Variants in STK32C observed in about 807,000 individuals in gnomAD.
STK32C encodes serine/threonine-protein kinase 32C.
In STK32C, 31 loss-of-function variants were observed where a neutral mutation model predicts 56.5. The observed-to-expected ratio is 0.55, with a 90% CI of 0.41 to 0.74. The LOEUF (loss-of-function observed/expected upper bound fraction) is 0.74, where lower values mean the gene tolerates loss of function less well. Ranked by LOEUF, STK32C falls within the 30% of genes least tolerant of loss-of-function variation. STK32C has a pLI of 0.00. For synonymous variants in STK32C, 309 were observed against 289.4 expected, an observed-to-expected ratio of 1.07 and a Z score of -0.69; for missense variants, 544 against 676.9, an observed-to-expected ratio of 0.80 and a Z score of 2.18.
At chr10:132,214,603 GT>G (rs1300146153) in intron 10 of STK32C, among the ~76,000 whole-genome samples, 1 of 152,220 alleles carries the variant, frequency 6.6e-6, no homozygotes, top group Admixed American at 6.5e-5. Context: ...ATGAATAGAG[GT>G]AAAATGAAAT....
chr10:132,220,854 T>TGCAC (rs1289312235), intron 10 of STK32C, among the ~76,000 whole-genome samples: 6 of 152,362 alleles, frequency 3.9e-5, no homozygotes, highest in African/African-American at 1.4e-4. Flanking sequence ...GGAACAGAGC[T>TGCAC]GCACCATGCC....
At chr10:132,209,468 A>G (rs1173454087) in intron 10 of STK32C, 5 of 430,356 alleles carry the variant, frequency 1.2e-5, no homozygotes, top group African/African-American at 2.0e-5. Context: ...CCCTCATCAC[A>G]GCACACACAC....
At chr10:132,278,089 CT>C (rs886111058) in intron 1 of STK32C, among the ~76,000 whole-genome samples, 16 of 152,310 alleles carry the variant, frequency 1.1e-4, no homozygotes, top group Non-Finnish European at 2.4e-4. Flanking sequence ...TGAAGACCCC[CT>C]GGGAACCCAT....
chr10:132,242,240 T>C (rs2063527934), intron 2 of STK32C, among the ~76,000 whole-genome samples: 1 of 152,062 alleles, frequency 6.6e-6, no homozygotes, highest in Non-Finnish European at 1.5e-5. Context: ...TGGTGTCCTC[T>C]GAGAGGGGCC....
chr10:132,230,679 C>CCGGG (rs1273802384), intron 2 of STK32C, among the ~76,000 whole-genome samples: 2 of 49,684 alleles, frequency 4.0e-5, no homozygotes, highest in African/African-American at 1.7e-4. Flanking sequence ...GGGAAGCTGG[C>CCGGG]GGGGGGGGGG....
At chr10:132,296,644 G>C (rs376317541) in intron 1 of STK32C, among the ~76,000 whole-genome samples, 3 of 152,044 alleles carry the variant, frequency 2.0e-5, no homozygotes, top group African/African-American at 7.2e-5. Context: ...TTTTTTTCTC[G>C]TCACTTTCAT....
intron 1 of STK32C, chr10:132,306,858 GGGTCCCCGGGGCCCCCT>G (rs1168697340): frequency 6.6e-6 from 1 of 152,180 alleles, no homozygotes; most frequent in Non-Finnish European, 1.5e-5. Context: ...GATAATTCGG[GGGTCCCCGGGGCCCCCT>G]GGCACCCCGG....
chr10:132,258,111 C>T (rs534093637), intron 1 of STK32C, among the ~76,000 whole-genome samples: 2 of 152,336 alleles, frequency 1.3e-5, no homozygotes, highest in South Asian at 4.1e-4. Context: ...CAGGACCTCC[C>T]CGGGAGCAAC....
chr10:132,224,447 A>T lies in STK32C; in HGVS notation c.953T>A (p.Val318Asp). ...QLFSTVSVQY[V>D]PTWSKEMVAL... is the part of the protein sequence containing the mutation. Reference sequence around the variant, plus strand: ...CACCATCTCCTTGGACCACGTGGGGACATACTGGACGCTCACGGTGCTGAA... The same window carrying T: ...CACCATCTCCTTGGACCACGTGGGGTCATACTGGACGCTCACGGTGCTGAA... Residue 318 changes from valine (V) to aspartate (D), a missense_variant, in exon 8 of 12, where the codon GTC (valine) becomes GAC (aspartate). This residue lies in a region of STK32C where 277 missense variants were observed against 309.3 expected (regional missense o/e 0.90). Coordinates refer to ENST00000298630, the MANE Select transcript of STK32C (RefSeq NM_173575.4). 4 of 1,561,762 alleles carry T rather than the reference A, an allele frequency of 2.6e-6. 1 individual carries two copies. Among genetic ancestry groups the T allele is most frequent in the Non-Finnish European group, 3.5e-6 (4 of 1,152,902 alleles).
intron 2 of STK32C, 124 bp downstream of exon 2, chr10:132,245,776 T>C: frequency 1.1e-6 from 1 of 946,486 alleles, no homozygotes. Flanking sequence ...CTGGAGCCTC[T>C]GCCCAGGTAA....
chr10:132,265,159 G>A (rs1411227402), intron 1 of STK32C, among the ~76,000 whole-genome samples: 4 of 133,326 alleles, frequency 3.0e-5, no homozygotes, highest in Non-Finnish European at 5.1e-5. Flanking sequence ...TGGGGGAGCT[G>A]CCAGGGCGGC....
intron 1 of STK32C, among the ~76,000 whole-genome samples, chr10:132,280,247 C>A (rs1471383790): frequency 8.2e-6 from 1 of 122,488 alleles, no homozygotes; most frequent in Non-Finnish European, 1.7e-5. Context: ...CACACCGTGA[C>A]CACGCCCCTG....
At chr10:132,304,810 G>A (rs529855041) in intron 1 of STK32C, among the ~76,000 whole-genome samples, 21 of 152,352 alleles carry the variant, frequency 1.4e-4, no homozygotes, top group Non-Finnish European at 2.6e-4. Context: ...CGCCCAGGGC[G>A]GGCCGTCCAC....
chr10:132,233,500 C>A (rs1014747436), intron 2 of STK32C, among the ~76,000 whole-genome samples: 1 of 152,180 alleles, frequency 6.6e-6, no homozygotes, highest in African/African-American at 2.4e-5. Flanking sequence ...CTTCCTAGGC[C>A]ATGGCTGGTG....
rs1371450530 is a variant in STK32C, at chr10:132,325,218, T to C, written c.302-845A>G. The stretch of plus-strand genomic sequence containing the variant: ...ACAAGTCTTTCCCATGTTGTTCTCA[T>C]GATAGTGAATAAGTCTCACGAGATC... On this transcript the variant is annotated intron_variant, in intron 1 of 1. Transcript: ENST00000368619. Among the ~76,000 whole-genome samples, 13 of 152,194 alleles carry C rather than the reference T, an allele frequency of 8.5e-5. No homozygotes were observed. The East Asian group carries it at 2.3e-3, about 27-fold the overall frequency.
chr10:132,287,133 G>A (rs1287983141), intron 1 of STK32C, among the ~76,000 whole-genome samples: 3 of 152,154 alleles, frequency 2.0e-5, no homozygotes, highest in Non-Finnish European at 4.4e-5. Context: ...CTAGGAAACG[G>A]TGCTGAGAAA....
chr10:132,244,111 C>A (rs1417321949), intron 2 of STK32C, among the ~76,000 whole-genome samples: 1 of 152,196 alleles, frequency 6.6e-6, no homozygotes, highest in East Asian at 1.9e-4. Flanking sequence ...GCTGGAAGGA[C>A]CCCTCCAGGT....
intron 1 of STK32C, chr10:132,330,480 AGC>A (rs201437663): frequency 2.8e-6 from 2 of 717,002 alleles, no homozygotes; most frequent in Non-Finnish European, 5.2e-6. Flanking sequence ...TTGTGCTTTC[AGC>A]TTCCTGATTG....
At chr10:132,291,625 A>G (rs568608778) in intron 1 of STK32C, among the ~76,000 whole-genome samples, 3 of 152,262 alleles carry the variant, frequency 2.0e-5, no homozygotes, top group Admixed American at 6.5e-5. Context: ...CACACCAGGT[A>G]CCATCCTTCA....
Sources: gnomAD v4.1 joint callset for allele counts (sites outside exome capture counted in the v4.1 genomes callset) on GRCh38, gnomAD v4.1.1 for gene constraint, gnomAD v4.1.1 regional missense constraint, MANE v1.5 for transcripts, NCBI Gene and HGNC (gene_info 2026-07-23, HGNC 2026-07-21) for gene names.